Variants in VPS8 observed in about 807,000 individuals in gnomAD.
The protein encoded by VPS8 is vacuolar protein sorting-associated protein 8 homolog.
Under a neutral mutation model 216.4 loss-of-function variants are expected in VPS8, and 129 were observed. The observed-to-expected ratio is 0.60, with a 90% CI of 0.52 to 0.69. The LOEUF is 0.69. VPS8 is among the 30% of genes least tolerant of loss of function. The probability of loss-of-function intolerance (pLI) is 0.00; values close to 1 mark genes in which losing one functional copy is unlikely to be tolerated. For missense variants in VPS8, 1,531 were observed against 1,683.5 expected, an observed-to-expected ratio of 0.91 and a Z score of 1.59; for synonymous variants, 571 against 565.4, an observed-to-expected ratio of 1.01 and a Z score of -0.14.
chr3:184,988,765 A>C (rs74655806), intron 42 of VPS8, among the ~76,000 whole-genome samples: 2 of 152,310 alleles, frequency 1.3e-5, no homozygotes, highest in East Asian at 3.9e-4. Flanking sequence ...AACAATATCA[A>C]ATCTTTCTGT....
chr3:184,968,179 A>G (rs1176910367), intron 39 of VPS8, among the ~76,000 whole-genome samples: 1 of 152,192 alleles, frequency 6.6e-6, no homozygotes, highest in African/African-American at 2.4e-5. Context: ...TTAACTTACC[A>G]TAAGGTTCAT....
At chr3:184,927,023 A>G (rs1739782089) in intron 31 of VPS8, among the ~76,000 whole-genome samples, 1 of 152,184 alleles carries the variant, frequency 6.6e-6, no homozygotes, top group African/African-American at 2.4e-5. Flanking sequence ...GGTCCTGAGT[A>G]TTGACATACC....
chr3:184,932,301 C>T (rs1020468784), intron 34 of VPS8, among the ~76,000 whole-genome samples: 2 of 152,094 alleles, frequency 1.3e-5, no homozygotes, highest in South Asian at 4.2e-4. Context: ...TGCACATGTA[C>T]ATAGATACAT....
chr3:184,972,865 C>A (rs1748651805), intron 40 of VPS8, among the ~76,000 whole-genome samples: 1 of 152,198 alleles, frequency 6.6e-6, no homozygotes, highest in African/African-American at 2.4e-5. Flanking sequence ...AGGGCTCAGG[C>A]CTCTGACTTG....
intron 46 of VPS8, among the ~76,000 whole-genome samples, chr3:185,043,704 C>T (rs1479987526): frequency 6.6e-6 from 1 of 152,154 alleles, no homozygotes; most frequent in Admixed American, 6.5e-5. Flanking sequence ...CCATTAGCTG[C>T]TCTCTCGTTC....
Position 184,934,500 on chromosome 3 carries a change from T to G in VPS8, c.2899-1746T>G, listed in dbSNP as rs1311604842. Among the ~76,000 whole-genome samples the G allele has an allele frequency of 2.6e-5, 4 of 152,180 alleles. No homozygotes were observed. The East Asian group carries it at 7.7e-4, about 29-fold the overall frequency. Reference sequence around the variant, plus strand: ...CCTTTGTTATACTTACTGTCACAACTTCATATTTTTAATGCTGTTGTTAAT... The same window carrying G: ...CCTTTGTTATACTTACTGTCACAACGTCATATTTTTAATGCTGTTGTTAAT... On this transcript the variant is annotated intron_variant, in intron 34 of 47. Transcript: ENST00000625842.
At chr3:184,947,855 C>G (rs1743969690) in intron 36 of VPS8, among the ~76,000 whole-genome samples, 1 of 152,082 alleles carries the variant, frequency 6.6e-6, no homozygotes, top group Admixed American at 6.6e-5. Context: ...AGTTGTGTAA[C>G]TTTAGCTTGC....
At chr3:184,816,837 C>T (rs554895102) in intron 1 of VPS8, among the ~76,000 whole-genome samples, 12 of 152,254 alleles carry the variant, frequency 7.9e-5, no homozygotes, top group African/African-American at 2.9e-4. Flanking sequence ...AGCTGACCAT[C>T]TCCTATTCTG....
rs866632395 is a variant in VPS8, at chr3:184,926,150, C to T, written c.2575-444C>T. On this transcript the variant is annotated intron_variant, in intron 30 of 47. Transcript: ENST00000625842. ...CAACACTTTGGGAGGCCGAGGCGGGCGGATCACGAGGTCAGGAGATCGAGA... is the reference window on the plus strand; with the variant it reads ...CAACACTTTGGGAGGCCGAGGCGGGTGGATCACGAGGTCAGGAGATCGAGA... Among the ~76,000 whole-genome samples the T allele has an allele frequency of 3.1e-4, 47 of 150,882 alleles. No individual in the cohort carries two copies. The South Asian group carries it at 6.1e-3, about 19-fold the overall frequency.
chr3:184,893,558 G>A (rs1170492546), intron 22 of VPS8: 10 of 340,828 alleles, frequency 2.9e-5, no homozygotes, highest in Non-Finnish European at 4.4e-5. Flanking sequence ...ATTGTCAGGG[G>A]AGAAAAACCA....
At chr3:184,836,140 A>G (rs1316047038) in intron 5 of VPS8, 11 of 383,358 alleles carry the variant, frequency 2.9e-5, no homozygotes, top group Non-Finnish European at 4.6e-5. Flanking sequence ...AGTATTTACT[A>G]TAACAATTGG....
At chr3:185,043,963 G>A (rs1034562264) in intron 46 of VPS8, among the ~76,000 whole-genome samples, 3 of 152,154 alleles carry the variant, frequency 2.0e-5, no homozygotes, top group Non-Finnish European at 2.9e-5. Flanking sequence ...GCCGAGGCAG[G>A]CGGATCACCA....
intron 8 of VPS8, among the ~76,000 whole-genome samples, chr3:184,844,723 C>A (rs1214856098): frequency 6.6e-6 from 1 of 152,166 alleles, no homozygotes; most frequent in Non-Finnish European, 1.5e-5. Context: ...CTGAGGAGAT[C>A]TACTCTAAGC....
At chr3:184,816,521 A>G (rs1218050920) in intron 1 of VPS8, among the ~76,000 whole-genome samples, 3 of 152,256 alleles carry the variant, frequency 2.0e-5, no homozygotes, top group African/African-American at 7.2e-5. Context: ...ACTGTGAGCT[A>G]CAATTACCTA....
chr3:184,847,884 G>A (rs1428950327), intron 8 of VPS8, among the ~76,000 whole-genome samples: 1 of 152,032 alleles, frequency 6.6e-6, no homozygotes, highest in Admixed American at 6.6e-5. Flanking sequence ...ATAGATATTT[G>A]AATTGCTTGC....
intron 3 of VPS8, among the ~76,000 whole-genome samples, chr3:184,827,319 T>C (rs564006523): frequency 6.6e-6 from 1 of 152,368 alleles, no homozygotes; most frequent in African/African-American, 2.4e-5. Context: ...GCTGTTACTT[T>C]GAGTGTATTT....
chr3:184,820,327 C>T (rs561627737), intron 1 of VPS8, among the ~76,000 whole-genome samples: 15 of 152,322 alleles, frequency 9.8e-5, no homozygotes, highest in African/African-American at 3.4e-4. Context: ...CTCCTGAGCC[C>T]TGTTCTCCGT....
chr3:184,844,182 G>A (rs1017642645), intron 8 of VPS8, among the ~76,000 whole-genome samples: 1 of 152,182 alleles, frequency 6.6e-6, no homozygotes, highest in African/African-American at 2.4e-5. Flanking sequence ...AGCACTTTAG[G>A]TGGCCGAGGT....
chr3:184,872,688 C>A (rs1349652190), intron 21 of VPS8, among the ~76,000 whole-genome samples: 2 of 151,790 alleles, frequency 1.3e-5, no homozygotes, highest in Non-Finnish European at 2.9e-5. Context: ...AAGAGATAGA[C>A]CCTTGAGAGA....
Sources: allele counts gnomAD v4.1 joint callset (sites outside exome capture counted in the v4.1 genomes callset), GRCh38; gene constraint gnomAD v4.1.1; transcripts MANE v1.5; gene names NCBI Gene and HGNC (gene_info 2026-07-23, HGNC 2026-07-21).